TPTE2: variants seen among roughly 807,000 people sequenced by gnomAD.
TPTE2 encodes the protein phosphatidylinositol 3,4,5-trisphosphate 3-phosphatase TPTE2.
TPTE2 carries 53 observed loss-of-function variants against 78.6 expected under a neutral mutation model. The observed-to-expected ratio is 0.67, with a 90% CI of 0.54 to 0.85. The LOEUF (loss-of-function observed/expected upper bound fraction) is 0.85. Ranked by LOEUF, TPTE2 falls within the 40% of genes least tolerant of loss-of-function variation. TPTE2 has a pLI of 0.00. For synonymous variants in TPTE2, 175 were observed against 206.2 expected (o/e 0.85, Z 1.30); for missense variants, 461 against 623.0 (o/e 0.74, Z 2.77).
At chr13:19,503,337 C>T (rs199948816), upstream of TPTE2, 14 of 1,159,578 alleles carry the variant, frequency 1.2e-5, no homozygotes, top group Non-Finnish European at 1.7e-5. Flanking sequence ...TTACTTTTCT[C>T]GTAAAACTAG....
chr13:19,520,500 T>A (rs1322033425), intron 1 of TPTE2, among the ~76,000 whole-genome samples: 1 of 152,006 alleles, frequency 6.6e-6, no homozygotes, highest in Non-Finnish European at 1.5e-5. Context: ...TCTTTTCTTT[T>A]TTTTCTTGAT....
intron 13 of TPTE2, among the ~76,000 whole-genome samples, chr13:19,449,123 G>A (rs938193765): frequency 6.6e-6 from 1 of 152,152 alleles, no homozygotes; most frequent in African/African-American, 2.4e-5. Flanking sequence ...GGTTACCGGG[G>A]CTGGGGAGAC....
chr13:19,425,099 C>T, intron 18 of TPTE2, 82 bp from the exon 22 acceptor site: 2 of 658,226 alleles, frequency 3.0e-6, no homozygotes, highest in Admixed American at 3.6e-5. Flanking sequence ...TTCTTTATTC[C>T]TTTATATATT....
At chr13:19,524,519 A>G (rs1870379243) in intron 1 of TPTE2, among the ~76,000 whole-genome samples, 1 of 152,206 alleles carries the variant, frequency 6.6e-6, no homozygotes, top group South Asian at 2.1e-4. Context: ...CTAAAATTTA[A>G]CAGAGTTGAA....
the TPTE2 span, among the ~76,000 whole-genome samples, chr13:19,559,698 G>A: frequency 6.7e-6 from 1 of 149,234 alleles, no homozygotes. Flanking sequence ...TTCCCTCCCT[G>A]AGATAGGCTT....
intron 1 of TPTE2, among the ~76,000 whole-genome samples, chr13:19,517,438 T>C (rs1466909602): frequency 6.6e-6 from 1 of 152,200 alleles, no homozygotes; most frequent in African/African-American, 2.4e-5. Context: ...AAGGGGACTC[T>C]GTAAGGTCCC....
chr13:19,462,354 T>G (rs1348177455), intron 10 of TPTE2, among the ~76,000 whole-genome samples: 1 of 152,128 alleles, frequency 6.6e-6, no homozygotes, highest in Non-Finnish European at 1.5e-5. Context: ...TTCTAGGGGA[T>G]AGCTCTACTA....
intron 16 of TPTE2, among the ~76,000 whole-genome samples, chr13:19,432,011 C>A (rs1166094595): frequency 1.7e-5 from 1 of 58,872 alleles, no homozygotes; most frequent in East Asian, 4.0e-4. Flanking sequence ...AAAGGGAGAG[C>A]CCAGGGTGAT....
chr13:19,526,089 A>G (rs2101501), intron 1 of TPTE2, among the ~76,000 whole-genome samples: 35,906 of 151,882 alleles, frequency 0.24, 5,914 homozygotes, highest in African/African-American at 0.47. Flanking sequence ...CTACTGGTGG[A>G]TATGTAAATT....
chr13:19,451,985 AC>A (rs1878220530), intron 10 of TPTE2, among the ~76,000 whole-genome samples: 1 of 152,150 alleles, frequency 6.6e-6, no homozygotes. Flanking sequence ...CTGTGCAACA[AC>A]AAAAATGACA....
intron 4 of TPTE2, among the ~76,000 whole-genome samples, chr13:19,481,183 T>G (rs75257694): frequency 0.012 from 1,386 of 111,522 alleles, no homozygotes; most frequent in South Asian, 0.024. Context: ...CTATATGTGG[T>G]TAGATTTGTT....
At chr13:19,481,951 T>C (rs566752771) in intron 4 of TPTE2, among the ~76,000 whole-genome samples, 1 of 152,196 alleles carries the variant, frequency 6.6e-6, no homozygotes, top group South Asian at 2.1e-4. Flanking sequence ...TTTAAGAATG[T>C]ATTGTTTCAT....
chr13:19,497,694 T>G (rs891401106), intron 1 of TPTE2, among the ~76,000 whole-genome samples: 4 of 149,004 alleles, frequency 2.7e-5, no homozygotes, highest in Admixed American at 6.7e-5. Context: ...ACCACAAAGA[T>G]GGGGAAAAAA....
intron 1 of TPTE2, among the ~76,000 whole-genome samples, chr13:19,528,579 A>G (rs555960948): frequency 6.6e-6 from 1 of 152,292 alleles, no homozygotes; most frequent in African/African-American, 2.4e-5. Context: ...TATAGACAAG[A>G]CTGTTTAAAT....
At chr13:19,531,134 A>G (rs1870842231) in intron 1 of TPTE2, among the ~76,000 whole-genome samples, 1 of 152,194 alleles carries the variant, frequency 6.6e-6, no homozygotes, top group South Asian at 2.1e-4. Context: ...TTCACTTAGT[A>G]TAATGTCCTC....
the TPTE2 span, among the ~76,000 whole-genome samples, chr13:19,557,935 C>A: frequency 1.8e-3 from 281 of 152,028 alleles, 1 homozygote; most frequent in African/African-American, 6.4e-3. Flanking sequence ...ACTTAAAAAA[C>A]CTAAATCTTA....
intron 13 of TPTE2, among the ~76,000 whole-genome samples, chr13:19,440,389 GA>G (rs1291835526): frequency 5.3e-5 from 8 of 149,906 alleles, no homozygotes; most frequent in African/African-American, 2.0e-4. Flanking sequence ...AATAGATGCA[GA>G]AAAAAAAGCT....
At chr13:19,443,903 G>A (rs1383562059) in intron 13 of TPTE2, among the ~76,000 whole-genome samples, 4 of 152,050 alleles carry the variant, frequency 2.6e-5, no homozygotes, top group African/African-American at 9.7e-5. Flanking sequence ...TGCTAGGGGA[G>A]ATAAATGACT....
Position 19,501,976 on chromosome 13 carries a change from A to G in TPTE2, c.11+1248T>C, listed in dbSNP as rs1868594823. Among the ~76,000 whole-genome samples the G allele has an allele frequency of 4.0e-5, 6 of 149,310 alleles. No individual in the cohort carries two copies. In the South Asian group the frequency reaches 1.1e-3, roughly 27 times the overall value. ...GAAAAAAATAAACAACCCCATCAAA[A>G]AGTGGGCGAAGGACATGAACAGACA... is the stretch of plus-strand genomic sequence containing the variant. On this transcript the variant is annotated intron_variant, in intron 1 of 19. Transcript: ENST00000400230.
Sources: allele counts gnomAD v4.1 joint callset (sites outside exome capture counted in the v4.1 genomes callset), GRCh38; gene constraint gnomAD v4.1.1; transcripts MANE v1.5; gene names NCBI Gene and HGNC (gene_info 2026-07-23, HGNC 2026-07-21).